CCAR1: variants seen among roughly 807,000 people sequenced by gnomAD.
CCAR1 encodes the protein cell division cycle and apoptosis regulator protein 1.
In CCAR1, 78 loss-of-function variants were observed where a neutral mutation model predicts 163.8. The ratio of observed to expected loss-of-function variants is 0.48; its 90% CI spans 0.40 to 0.57. The LOEUF is 0.57. Ranked by LOEUF, CCAR1 falls within the 20% of genes least tolerant of loss-of-function variation. CCAR1 has a pLI of 0.00. For missense variants in CCAR1, 1,019 were observed against 1,365.2 expected, an observed-to-expected ratio of 0.75 and a Z score of 4.00; for synonymous variants, 443 against 460.7, an observed-to-expected ratio of 0.96 and a Z score of 0.49.
intron 16 of CCAR1, among the ~76,000 whole-genome samples, chr10:68,762,299 A>G (rs2056482523): frequency 6.6e-6 from 1 of 151,148 alleles, no homozygotes; most frequent in Non-Finnish European, 1.5e-5. Context: ...ACTGCACTCC[A>G]GCCTGGGCGA....
intron 19 of CCAR1, among the ~76,000 whole-genome samples, chr10:68,777,536 T>C (rs901661281): frequency 6.6e-6 from 1 of 151,906 alleles, no homozygotes; most frequent in Non-Finnish European, 1.5e-5. Context: ...TACAAAAAAT[T>C]AGCTGGGCAT....
intron 2 of CCAR1, among the ~76,000 whole-genome samples, chr10:68,734,785 A>G (rs2056085986): frequency 6.6e-6 from 1 of 152,082 alleles, no homozygotes; most frequent in Non-Finnish European, 1.5e-5. Context: ...TTTTTCTAGG[A>G]GATGCATTTT....
At chr10:68,745,606 G>A (rs560297323) in intron 6 of CCAR1, among the ~76,000 whole-genome samples, 1 of 151,956 alleles carries the variant, frequency 6.6e-6, no homozygotes, top group East Asian at 1.9e-4. Flanking sequence ...TGGGATTACA[G>A]GTGCCTACCA....
chr10:68,732,118 C>T (rs1400001179), intron 2 of CCAR1, among the ~76,000 whole-genome samples: 1 of 152,086 alleles, frequency 6.6e-6, no homozygotes, highest in Non-Finnish European at 1.5e-5. Flanking sequence ...TTGGTACCAG[C>T]AGAGTGAAAC....
At chr10:68,746,469 C>T (rs2056257451) in intron 6 of CCAR1, among the ~76,000 whole-genome samples, 1 of 151,876 alleles carries the variant, frequency 6.6e-6, no homozygotes, top group Non-Finnish European at 1.5e-5. Flanking sequence ...ACCATGTTAG[C>T]CAGGCTGGTG....
intron 10 of CCAR1, among the ~76,000 whole-genome samples, chr10:68,750,214 CTTTTTTT>C (rs58204351): frequency 9.4e-5 from 5 of 52,972 alleles, no homozygotes; most frequent in South Asian, 5.9e-4. Context: ...TTTCTTTTTT[CTTTTTTT>C]TTTTTTTTTT....
At chr10:68,749,756 G>T in intron 10 of CCAR1, 71 bp downstream of exon 10, 1 of 1,333,962 alleles carries the variant, frequency 7.5e-7, no homozygotes, top group South Asian at 1.4e-5. Flanking sequence ...ATGTCACAGA[G>T]GTATTTTTCT....
intron 19 of CCAR1, among the ~76,000 whole-genome samples, chr10:68,774,753 T>A (rs1040999246): frequency 6.6e-6 from 1 of 152,176 alleles, no homozygotes; most frequent in Non-Finnish European, 1.5e-5. Flanking sequence ...CTAAGTTTTA[T>A]AAGACAGACT....
intron 2 of CCAR1, among the ~76,000 whole-genome samples, chr10:68,726,840 A>G (rs1201022490): frequency 6.6e-6 from 1 of 151,494 alleles, no homozygotes; most frequent in Non-Finnish European, 1.5e-5. Context: ...TACTAAAAAT[A>G]CAAAAATTAG....
intron 24 of CCAR1, 115 bp from the exon 25 acceptor site, chr10:68,791,092 G>A (rs1190665705): frequency 5.8e-6 from 3 of 520,872 alleles, no homozygotes; most frequent in Admixed American, 7.7e-5. Flanking sequence ...TTAATTTATT[G>A]TTCTTTATCA....
At chr10:68,788,407 T>A in intron 23 of CCAR1, 79 bp downstream of exon 23, 4 of 935,836 alleles carry the variant, frequency 4.3e-6, no homozygotes, top group Non-Finnish European at 6.1e-6. Context: ...TACATACATA[T>A]ATACGTACCT....
At position 68,767,005 on chromosome 10, in the gene CCAR1, T is replaced by G. The variant is rs117850434; in HGVS notation, c.2298+926T>G. ...TCCTCTGTATTTCATGTAAATTGAT[T>G]GTTGGATCTAAATTTTTAATCAAGT... On this transcript the variant is annotated intron_variant, in intron 17 of 24. Coordinates refer to ENST00000265872, the MANE Select transcript of CCAR1 (RefSeq NM_018237.4). Among the ~76,000 whole-genome samples, 416 of 152,286 alleles carry G rather than the reference T, an allele frequency of 2.7e-3. 13 individuals carry two copies. In the East Asian group the frequency reaches 0.076, roughly 28 times the overall value.
At chr10:68,775,510 T>G (rs1436256497) in intron 19 of CCAR1, among the ~76,000 whole-genome samples, 1 of 146,318 alleles carries the variant, frequency 6.8e-6, no homozygotes, top group Non-Finnish European at 1.5e-5. Flanking sequence ...TTTTTTTTTT[T>G]TTTTGTTTTT....
At chr10:68,751,725 G>C (rs200565248) in intron 10 of CCAR1, among the ~76,000 whole-genome samples, 9 of 151,632 alleles carry the variant, frequency 5.9e-5, no homozygotes, top group African/African-American at 2.2e-4. Flanking sequence ...TTAGCTGGGC[G>C]TGGTAGTGTG....
intron 13 of CCAR1, among the ~76,000 whole-genome samples, chr10:68,755,932 C>T (rs566008429): frequency 1.3e-5 from 2 of 152,180 alleles, no homozygotes; most frequent in South Asian, 2.1e-4. Context: ...CTTATTTGTC[C>T]TGTGTATTTT....
At chr10:68,760,381 G>A (rs2056453636) in intron 15 of CCAR1, among the ~76,000 whole-genome samples, 1 of 151,838 alleles carries the variant, frequency 6.6e-6, no homozygotes, top group African/African-American at 2.4e-5. Flanking sequence ...AGTTTTGTGG[G>A]GTTTTTTCCC....
chr10:68,766,916 A>G (rs1282150044), intron 17 of CCAR1, among the ~76,000 whole-genome samples: 1 of 152,174 alleles, frequency 6.6e-6, no homozygotes, highest in Non-Finnish European at 1.5e-5. Flanking sequence ...TTTGTCCTCT[A>G]ACTTTCCTTA....
intron 5 of CCAR1, among the ~76,000 whole-genome samples, chr10:68,740,883 T>TTTTA (rs754473259): frequency 0.046 from 6,679 of 144,858 alleles, 191 homozygotes; most frequent in Middle Eastern, 0.062. Context: ...TGAGGTTTTA[T>TTTTA]TTTATTTATT....
intron 2 of CCAR1, among the ~76,000 whole-genome samples, chr10:68,722,785 G>T (rs1346079502): frequency 6.6e-6 from 1 of 152,066 alleles, no homozygotes; most frequent in Non-Finnish European, 1.5e-5. Context: ...AGCCGGGCCT[G>T]GTGGCACGCG....
Sources: allele counts gnomAD v4.1 joint callset (sites outside exome capture counted in the v4.1 genomes callset), GRCh38; gene constraint gnomAD v4.1.1; transcripts MANE v1.5; gene names NCBI Gene and HGNC (gene_info 2026-07-23, HGNC 2026-07-21).